The following FNIP2 variants were observed in gnomAD, a reference collection of about 807,000 sequenced individuals.
FNIP2 encodes the protein folliculin-interacting protein 2.
In FNIP2, 32 loss-of-function variants were observed where a neutral mutation model predicts 108.7. The observed-to-expected ratio is 0.29, with a 90% CI of 0.22 to 0.40. FNIP2 has a LOEUF of 0.40. Ranked by LOEUF, FNIP2 falls within the 10% of genes least tolerant of loss-of-function variation. The pLI, the probability that FNIP2 is intolerant of heterozygous loss-of-function variation, is 1.00. For missense variants in FNIP2, 1,202 were observed against 1,381.6 expected (o/e 0.87, Z 2.06); for synonymous variants, 480 against 496.7 (o/e 0.97, Z 0.45).
At chr4:158,850,463 A>G (rs927541390) in intron 7 of FNIP2, among the ~76,000 whole-genome samples, 2 of 151,668 alleles carry the variant, frequency 1.3e-5, no homozygotes, top group African/African-American at 4.9e-5. Flanking sequence ...TGCCTGTTAG[A>G]AAAGTCTGGG....
intron 14 of FNIP2, among the ~76,000 whole-genome samples, chr4:158,886,320 G>T (rs1578981973): frequency 6.6e-6 from 1 of 152,192 alleles, no homozygotes; most frequent in African/African-American, 2.4e-5. Context: ...TCTTTCTGGA[G>T]ACTGGCTGTC....
At chr4:158,901,283 C>G (rs1048290334) in intron 16 of FNIP2, among the ~76,000 whole-genome samples, 4 of 151,944 alleles carry the variant, frequency 2.6e-5, no homozygotes, top group Non-Finnish European at 1.5e-5. Context: ...CAGGCGTGTG[C>G]CACGAAAATT....
intron 8 of FNIP2, 100 bp downstream of exon 8, chr4:158,851,550 A>G: frequency 2.1e-6 from 3 of 1,461,968 alleles, no homozygotes; most frequent in Non-Finnish European, 2.8e-6. Context: ...TGGAAAAAAA[A>G]CCAAAACTTT....
chr4:158,826,154 T>TA, intron 2 of FNIP2, 112 bp downstream of exon 2: 1 of 1,379,308 alleles, frequency 7.3e-7, no homozygotes, highest in South Asian at 1.4e-5. Context: ...ACAGTGCCAT[T>TA]AATGGTTCAG....
chr4:158,868,505 G>A lies in FNIP2; in HGVS notation c.1869G>A (p.Glu623=), dbSNP rs376807519. The change falls in exon 13 of 17, where the codon GAG becomes GAA. Residue 623 remains glutamate (E), a synonymous_variant. Coordinates refer to ENST00000264433, the MANE Select transcript of FNIP2 (RefSeq NM_020840.3). This position sits in a 1 kb window ranked among gnomAD's most constrained non-coding sequence, Gnocchi z 4.6. ...ACAAAGAAGCTAACAGGAGGCCAGA[G>A]CAGGGTTCTGAGGCTTGCAGCGCAG... The part of the protein sequence containing the change: ...KPDKEANRRP[E]QGSEACSAGC... 1.2e-6 allele frequency: 2 copies of A among 1,614,028 alleles called. No homozygotes were observed. Among genetic ancestry groups the A allele is most frequent in the South Asian group, 1.1e-5 (1 of 91,084 alleles).
chr4:158,794,319 T>TA (rs201574252), intron 1 of FNIP2, among the ~76,000 whole-genome samples: 11 of 132,444 alleles, frequency 8.3e-5, no homozygotes, highest in Non-Finnish European at 1.7e-4. Flanking sequence ...CCAGGCTAAT[T>TA]AAAAAAAAAT....
chr4:158,895,147 A>G (rs1440899758), intron 15 of FNIP2, among the ~76,000 whole-genome samples: 1 of 152,176 alleles, frequency 6.6e-6, no homozygotes, highest in Non-Finnish European at 1.5e-5. Context: ...CCTGAAAATA[A>G]TTGCCTTTTC....
At chr4:158,832,887 G>A (rs921278731) in intron 5 of FNIP2, among the ~76,000 whole-genome samples, 4 of 152,170 alleles carry the variant, frequency 2.6e-5, no homozygotes, top group African/African-American at 9.7e-5. Context: ...TCATTATGCT[G>A]TATTATTCTC....
At chr4:158,875,256 G>A (rs1781203757) in intron 14 of FNIP2, among the ~76,000 whole-genome samples, 1 of 151,812 alleles carries the variant, frequency 6.6e-6, no homozygotes, top group African/African-American at 2.4e-5. Flanking sequence ...CTTTTGCTTT[G>A]CCCAGGAGCA....
At chr4:158,829,353 C>A in intron 3 of FNIP2, 128 bp downstream of exon 3, 1 of 746,202 alleles carries the variant, frequency 1.3e-6, no homozygotes, top group Non-Finnish European at 2.0e-6. Flanking sequence ...CAACAGAGTA[C>A]TCTTAAATGT....
At chr4:158,834,059 A>G (rs1207091636) in intron 6 of FNIP2, 3 of 316,260 alleles carry the variant, frequency 9.5e-6, no homozygotes, top group Non-Finnish European at 1.8e-5. Context: ...AATTCTGCCA[A>G]TGAACCTCTC....
At position 158,868,112 on chromosome 4, in the gene FNIP2, C is replaced by T. The variant is rs75305192; in HGVS notation, c.1476C>T (p.Tyr492=). ...NPLWAQLGDL[Y]GAIGSPVRLT... is the part of the protein sequence containing the mutation. The stretch of plus-strand genomic sequence containing the variant: ...ACCTTTGCTCTCTAGGTGATCTTTA[C>T]GGAGCCATAGGCTCTCCAGTGAGAC... Residue 492 remains tyrosine (Y), a synonymous_variant, in exon 13 of 17, where the codon TAC becomes TAT. Coordinates refer to ENST00000264433, the MANE Select transcript of FNIP2 (RefSeq NM_020840.3). The surrounding 1 kb of genome is among the most constrained non-coding windows in gnomAD (Gnocchi z 4.6). 5,909 of 1,613,618 alleles carry T rather than the reference C, an allele frequency of 3.7e-3. 16 individuals are homozygous for T. Among genetic ancestry groups the T allele is most frequent in the Middle Eastern group, 0.011 (68 of 6,046 alleles).
Position 158,869,361 on chromosome 4 carries a change from A to T in FNIP2, c.2725A>T (p.Met909Leu), listed in dbSNP as rs775536972. ...TGACGACGAAGCCTGCGCTTCAGCC[A>T]TGCTAGATCTGGGTCACGGTGGTGA... ...DSDDEACASA[M>L]LDLGHGGDRT... Residue 909 changes from methionine to leucine, a missense_variant, in exon 13 of 17, where the codon ATG becomes TTG. Met to Leu is a conservative substitution (Grantham distance 15, BLOSUM62 2). Around this residue, in one of 5 missense-constraint regions of FNIP2, gnomAD observed 878 missense variants for 990.3 expected, o/e 0.89. Coordinates refer to ENST00000264433, the MANE Select transcript of FNIP2 (RefSeq NM_020840.3). 5.0e-6 allele frequency: 8 copies of T among 1,612,690 alleles called. No homozygotes were observed. The highest frequency in any genetic ancestry group is 6.8e-6 in the Non-Finnish European group (8 of 1,179,386).
chr4:158,784,847 T>C (rs1306471794), intron 1 of FNIP2, among the ~76,000 whole-genome samples: 1 of 152,188 alleles, frequency 6.6e-6, no homozygotes, highest in Non-Finnish European at 1.5e-5. Flanking sequence ...ATCCCTGCTC[T>C]AATTCTTCTT....
In FNIP2 at chr4:158,769,259, G is replaced by T; in HGVS notation, c.47G>T (p.Ser16Ile). The change falls in exon 1 of 17, where the codon AGC (serine) becomes ATC (isoleucine). Residue 16 changes from serine to isoleucine, a missense_variant. Ser to Ile is a moderately radical substitution (Grantham distance 142, BLOSUM62 -2). Coordinates refer to ENST00000264433, the MANE Select transcript of FNIP2 (RefSeq NM_020840.3). ...AAGCTCTTCAACAAAAGGGGCAGCA[G>T]CGGCAGCTCCGCGGCGGCGTCTGCC... ...LQKLFNKRGSSGSSAAASAQG... is the reference protein window; with the variant it reads ...LQKLFNKRGSIGSSAAASAQG... 6.5e-7 allele frequency: 1 copy of T among 1,542,182 alleles called. No homozygotes were observed. The highest frequency in any genetic ancestry group is 2.6e-5 in the East Asian group (1 of 38,724).
intron 13 of FNIP2, 128 bp from the exon 14 acceptor site, chr4:158,870,185 G>A (rs992096862): frequency 3.1e-6 from 3 of 957,018 alleles, no homozygotes; most frequent in African/African-American, 3.3e-5. Context: ...CTTACTTGAG[G>A]GTTGGTGACA....
intron 7 of FNIP2, among the ~76,000 whole-genome samples, chr4:158,839,451 G>A (rs902218584): frequency 6.6e-6 from 1 of 151,912 alleles, no homozygotes; most frequent in Non-Finnish European, 1.5e-5. Context: ...CTGCAGCCTC[G>A]AACTCCTGGG....
chr4:158,878,137 C>T (rs1210094928), intron 14 of FNIP2, among the ~76,000 whole-genome samples: 1 of 152,106 alleles, frequency 6.6e-6, no homozygotes, highest in East Asian at 1.9e-4. Context: ...TCCTTTTGTG[C>T]CAGAGATAAA....
chr4:158,861,438 G>A lies in FNIP2; in HGVS notation c.1245G>A (p.Gln415=), dbSNP rs533963145. ...SGTLEKNQLC[Q]RFLKEFTLLI... ...CTTTGGAAAAAAACCAGCTCTGCCA[G>A]CGCTTTCTCAAGGAGTTTACACTTC... Residue 415 remains glutamine, a synonymous_variant, in exon 11 of 17, where the codon CAG becomes CAA. Coordinates refer to ENST00000264433, the MANE Select transcript of FNIP2 (RefSeq NM_020840.3). 2 of 1,613,986 alleles carry A rather than the reference G, an allele frequency of 1.2e-6. No homozygotes were observed. Among genetic ancestry groups the A allele is most frequent in the Admixed American group, 3.3e-5 (2 of 60,024 alleles).
Sources: gnomAD v4.1 joint callset for allele counts (sites outside exome capture counted in the v4.1 genomes callset) on GRCh38, gnomAD v4.1.1 for gene constraint, gnomAD v4.1.1 regional missense constraint, Gnocchi (gnomAD v3.1) non-coding constraint, MANE v1.5 for transcripts, NCBI Gene and HGNC (gene_info 2026-07-23, HGNC 2026-07-21) for gene names.